The following FBXL7 variants were observed in gnomAD, a reference collection of about 807,000 sequenced individuals.
FBXL7 encodes F-box and leucine rich repeat protein 7.
Under a neutral mutation model 38.3 loss-of-function variants are expected in FBXL7, and 12 were observed. The observed-to-expected ratio is 0.31, with a 90% confidence interval of 0.20 to 0.51. FBXL7 has a LOEUF of 0.51. FBXL7 is among the 20% of genes least tolerant of loss of function. The pLI is 0.98. For missense variants in FBXL7, 567 were observed against 676.4 expected, an observed-to-expected ratio of 0.84 and a Z score of 1.79; for synonymous variants, 297 against 300.9, an observed-to-expected ratio of 0.99 and a Z score of 0.13.
At chr5:15,644,277 G>A (rs1741459175) in intron 2 of FBXL7, among the ~76,000 whole-genome samples, 1 of 143,896 alleles carries the variant, frequency 6.9e-6, no homozygotes, top group African/African-American at 2.6e-5. Flanking sequence ...TGGCCAACAT[G>A]GAGAAACCCC....
chr5:15,888,297 G>A (rs1458727807), intron 2 of FBXL7, among the ~76,000 whole-genome samples: 7 of 151,564 alleles, frequency 4.6e-5, no homozygotes, highest in African/African-American at 1.2e-4. Flanking sequence ...GCGCAATCTC[G>A]GCTCACTGCA....
At chr5:15,727,458 G>A (rs1561102019) in intron 2 of FBXL7, among the ~76,000 whole-genome samples, 1 of 152,102 alleles carries the variant, frequency 6.6e-6, no homozygotes, top group Non-Finnish European at 1.5e-5. Flanking sequence ...ACTTTTGAAG[G>A]GCAGTTTTGC....
At chr5:15,888,392 TG>T (rs1708383969) in intron 2 of FBXL7, among the ~76,000 whole-genome samples, 1 of 151,914 alleles carries the variant, frequency 6.6e-6, no homozygotes, top group Admixed American at 6.6e-5. Flanking sequence ...CACGCCTGGC[TG>T]ATTTTTGTAT....
intron 2 of FBXL7, among the ~76,000 whole-genome samples, chr5:15,756,921 G>T (rs1181246091): frequency 6.6e-6 from 1 of 152,130 alleles, no homozygotes; most frequent in African/African-American, 2.4e-5. Context: ...AATAAGTTTG[G>T]CAGCCTGACT....
In FBXL7 at chr5:15,624,924, A is replaced by ATC. The variant is rs1281469183; in HGVS notation, c.127+8864_127+8865dup. 4.3e-5 allele frequency among the ~76,000 whole-genome samples: 6 copies of ATC among 140,346 alleles called. No individual in the cohort carries two copies. In the East Asian group the frequency reaches 6.3e-4, roughly 15 times the overall value. The allele number at this position is 140,346 out of a possible 152,430, so 92.1% of individuals were successfully genotyped here. On this transcript the variant is annotated intron_variant, in intron 2 of 3. Transcript: ENST00000504595. The stretch of plus-strand genomic sequence containing the variant: ...GCATTAAAAAGAGTCTGGCTTCTTG[A>ATC]TCTCTCTCTCTCTTGCTTCCTCTCT...
chr5:15,801,340 G>C (rs183085695), intron 2 of FBXL7, among the ~76,000 whole-genome samples: 13 of 152,272 alleles, frequency 8.5e-5, no homozygotes, highest in African/African-American at 2.6e-4. Flanking sequence ...TAAGTCCATA[G>C]GGCTACTGTA....
At chr5:15,677,436 C>T (rs1299107200) in intron 2 of FBXL7, among the ~76,000 whole-genome samples, 1 of 149,750 alleles carries the variant, frequency 6.7e-6, no homozygotes, top group East Asian at 2.0e-4. Flanking sequence ...CATTGCACTC[C>T]AGCCTGGGCA....
At chr5:15,668,738 T>C (rs1742365044) in intron 2 of FBXL7, among the ~76,000 whole-genome samples, 2 of 152,194 alleles carry the variant, frequency 1.3e-5, no homozygotes, top group African/African-American at 4.8e-5. Context: ...ACTCATCAAG[T>C]TTATAATGTT....
intron 2 of FBXL7, among the ~76,000 whole-genome samples, chr5:15,698,684 T>C (rs1001009921): frequency 2.6e-5 from 4 of 152,228 alleles, no homozygotes; most frequent in African/African-American, 9.6e-5. Flanking sequence ...AGAGCTCAAG[T>C]GTATTCTACA....
intron 2 of FBXL7, among the ~76,000 whole-genome samples, chr5:15,655,848 G>A (rs1429278230): frequency 6.6e-6 from 1 of 152,076 alleles, no homozygotes; most frequent in Non-Finnish European, 1.5e-5. Context: ...TCAAACCCTG[G>A]CCATTTGACT....
chr5:15,555,974 C>T lies in FBXL7; in HGVS notation c.37+55261C>T, dbSNP rs186015409. Among the ~76,000 whole-genome samples the T allele has an allele frequency of 4.9e-3, 691 of 140,990 alleles. 4 individuals carry two copies. The highest frequency in any genetic ancestry group is 0.018 in the African/African-American group (655 of 37,412). The allele number at this position is 140,990 out of a possible 152,430, so 92.5% of individuals were successfully genotyped here. A position where few individuals can be genotyped will look rare whatever the true frequency, so the allele number is the denominator to read the frequency against. ...TGTCATCTATCTGTCATCTGTCTATCATCTATCTATCTATCTATCTATCTA... is the reference window on the plus strand; with the variant it reads ...TGTCATCTATCTGTCATCTGTCTATTATCTATCTATCTATCTATCTATCTA... On this transcript the variant is annotated intron_variant, in intron 1 of 3. Coordinates refer to ENST00000504595, the MANE Select transcript of FBXL7 (RefSeq NM_012304.5).
chr5:15,897,604 A>T (rs1334250363), intron 2 of FBXL7, among the ~76,000 whole-genome samples: 1 of 152,238 alleles, frequency 6.6e-6, no homozygotes, highest in African/African-American at 2.4e-5. Context: ...ATTCCCAAGG[A>T]TGAGAAGGAA....
At chr5:15,679,507 T>C (rs868161737) in intron 2 of FBXL7, among the ~76,000 whole-genome samples, 1 of 152,092 alleles carries the variant, frequency 6.6e-6, no homozygotes, top group Middle Eastern at 3.4e-3. Context: ...AGAGACTGTC[T>C]CTACATTAAT....
In FBXL7 at chr5:15,724,466, C is replaced by A. The variant is rs549982914; in HGVS notation, c.127+108394C>A. Among the ~76,000 whole-genome samples, 349 of 152,272 alleles carry A rather than the reference C, an allele frequency of 2.3e-3. 3 individuals carry two copies. Among genetic ancestry groups the A allele is most frequent in the African/African-American group, 8.0e-3 (333 of 41,554 alleles). ...ATAAGGATTCAAAATATTCCTATCACTCTAGTAAGTTCCTTATTGCTCTAT... is the reference window on the plus strand; with the variant it reads ...ATAAGGATTCAAAATATTCCTATCAATCTAGTAAGTTCCTTATTGCTCTAT... On this transcript the variant is annotated intron_variant, in intron 2 of 3. Transcript: ENST00000504595.
At chr5:15,843,692 T>C (rs1463099696) in intron 2 of FBXL7, among the ~76,000 whole-genome samples, 1 of 152,142 alleles carries the variant, frequency 6.6e-6, no homozygotes, top group Non-Finnish European at 1.5e-5. Context: ...AATTACTGAA[T>C]AATTGTGATT....
chr5:15,701,202 C>T (rs1044527164), intron 2 of FBXL7, among the ~76,000 whole-genome samples: 3 of 152,168 alleles, frequency 2.0e-5, no homozygotes, highest in African/African-American at 7.2e-5. Context: ...CTAGGAGTCA[C>T]GTAGCTCTTG....
chr5:15,662,930 C>T (rs529879649), intron 2 of FBXL7, among the ~76,000 whole-genome samples: 59 of 152,136 alleles, frequency 3.9e-4, no homozygotes, highest in African/African-American at 1.3e-3. Context: ...AAGTCAGTAA[C>T]GTTATGCCTC....
intron 1 of FBXL7, among the ~76,000 whole-genome samples, chr5:15,526,115 G>C (rs1224829831): frequency 1.3e-5 from 2 of 152,150 alleles, no homozygotes; most frequent in Non-Finnish European, 2.9e-5. Flanking sequence ...GGACTTCTGC[G>C]AGGGGAGCCT....
chr5:15,703,360 T>C (rs961932964), intron 2 of FBXL7, among the ~76,000 whole-genome samples: 2 of 152,212 alleles, frequency 1.3e-5, no homozygotes, highest in African/African-American at 2.4e-5. Context: ...TTCCAAAAAT[T>C]TACTTTGATT....
Sources: allele counts gnomAD v4.1 joint callset (sites outside exome capture counted in the v4.1 genomes callset), GRCh38; gene constraint gnomAD v4.1.1; transcripts MANE v1.5; gene names NCBI Gene and HGNC (gene_info 2026-07-23, HGNC 2026-07-21).